Variants in CELF2 observed in about 807,000 individuals in gnomAD.
CELF2 encodes the protein CUG triplet repeat RNA-binding protein 2.
A neutral mutation model predicts 62.6 loss-of-function variants in CELF2; 8 were observed. That is an observed-to-expected ratio of 0.13 (90% CI 0.07 to 0.23). CELF2 has a LOEUF of 0.23. CELF2 is among the 10% of genes least tolerant of loss of function. The pLI, the probability that CELF2 is intolerant of heterozygous loss-of-function variation, is 1.00. For missense variants in CELF2, 333 were observed against 671.0 expected, an observed-to-expected ratio of 0.50 and a Z score of 5.56; for synonymous variants, 258 against 250.0, an observed-to-expected ratio of 1.03 and a Z score of -0.30.
At chr10:11,029,699 G>A (rs558643896) in intron 1 of CELF2, among the ~76,000 whole-genome samples, 1 of 152,358 alleles carries the variant, frequency 6.6e-6, no homozygotes, top group East Asian at 1.9e-4. Context: ...GGAAAACTAG[G>A]TCTGTGGCTG....
chr10:10,750,202 A>AACCTGG, the CELF2 span, among the ~76,000 whole-genome samples: 1 of 152,122 alleles, frequency 6.6e-6, no homozygotes, highest in Non-Finnish European at 1.5e-5. Context: ...GAATTGCTTG[A>AACCTGG]ACCTGGGAGG....
chr10:10,892,790 A>C (rs955460315), intron 1 of CELF2, among the ~76,000 whole-genome samples: 3 of 152,188 alleles, frequency 2.0e-5, no homozygotes, highest in Non-Finnish European at 4.4e-5. Flanking sequence ...TCTACCATGG[A>C]GGAAGGCATT....
chr10:11,229,860 GA>G (rs1253521910), intron 3 of CELF2, among the ~76,000 whole-genome samples: 1 of 152,194 alleles, frequency 6.6e-6, no homozygotes, highest in Non-Finnish European at 1.5e-5. Flanking sequence ...AAAGAGCTGG[GA>G]TTACAGGCCT....
rs545611486 is a variant in CELF2 at position 11,244,514 on chromosome 10, G to C, written c.355-4639G>C. On this transcript the variant is annotated intron_variant, in intron 3 of 12. Transcript: ENST00000633077. The surrounding 1 kb of genome is among the most constrained non-coding windows in gnomAD (Gnocchi z 4.2). The stretch of plus-strand genomic sequence containing the variant: ...TAAAAATACAAAGAAAATTAGTTGG[G>C]CGTGGTGGCGGGCGCCTGTAGTCCC... Among the ~76,000 whole-genome samples, 79 of 152,148 alleles carry C rather than the reference G, an allele frequency of 5.2e-4. No individual in the cohort carries two copies. Among genetic ancestry groups the C allele is most frequent in the African/African-American group, 1.9e-3 (77 of 41,524 alleles).
At chr10:10,960,660 T>C (rs891807241) in intron 2 of CELF2, among the ~76,000 whole-genome samples, 1 of 152,244 alleles carries the variant, frequency 6.6e-6, no homozygotes, top group Non-Finnish European at 1.5e-5. Flanking sequence ...AATAACACTC[T>C]ATTAAACAGA....
At chr10:10,623,929 T>C in the CELF2 span, among the ~76,000 whole-genome samples, 1 of 152,178 alleles carries the variant, frequency 6.6e-6, no homozygotes, top group East Asian at 1.9e-4. Flanking sequence ...ACCCAGGTAG[T>C]CTGACTGCAG....
Position 10,993,420 on chromosome 10 carries a change from G to T in CELF2, c.89+73421G>T, listed in dbSNP as rs2053634141. Among the ~76,000 whole-genome samples the T allele has an allele frequency of 6.6e-6, 1 of 152,128 alleles. No individual in the cohort carries two copies. Among genetic ancestry groups the T allele is most frequent in the Non-Finnish European group, 1.5e-5 (1 of 68,012 alleles). ...ATTTGAACTGCAACTGTAAGGATGA[G>T]CAGGAGTTAACTGGGAAGGGGAAAT... On this transcript the variant is annotated intron_variant, in intron 2 of 13. Coordinates refer to the CELF2 transcript ENST00000636488. This position sits in a 1 kb window ranked among gnomAD's most constrained non-coding sequence, Gnocchi z 5.3.
At chr10:10,701,690 C>T in the CELF2 span, among the ~76,000 whole-genome samples, 1 of 152,182 alleles carries the variant, frequency 6.6e-6, no homozygotes, top group African/African-American at 2.4e-5. Context: ...AGGATGGAAG[C>T]AGAGACCAGT....
At chr10:11,240,899 G>C (rs1005254550) in intron 3 of CELF2, among the ~76,000 whole-genome samples, 10 of 152,140 alleles carry the variant, frequency 6.6e-5, no homozygotes, top group African/African-American at 2.4e-4. Context: ...CAGGCGGCGT[G>C]GGGTAGAGGC....
At chr10:10,547,698 T>A in the CELF2 span, among the ~76,000 whole-genome samples, 14,482 of 106,378 alleles carry the variant, frequency 0.14, 725 homozygotes, top group East Asian at 0.24. Context: ...AGAGAGTGTG[T>A]GTGTGTGTGT....
At chr10:11,087,690 C>A (rs987409314) in intron 1 of CELF2, among the ~76,000 whole-genome samples, 2 of 152,194 alleles carry the variant, frequency 1.3e-5, no homozygotes, top group African/African-American at 4.8e-5. Flanking sequence ...ACAACACATA[C>A]CCACAGAAAC....
intron 9 of CELF2, among the ~76,000 whole-genome samples, chr10:11,292,552 A>G (rs1195198271): frequency 6.6e-6 from 1 of 152,232 alleles, no homozygotes; most frequent in Non-Finnish European, 1.5e-5. Context: ...CTTCTAGTTC[A>G]TGCAGGGCAA....
At chr10:10,644,949 C>T in the CELF2 span, among the ~76,000 whole-genome samples, 1 of 152,120 alleles carries the variant, frequency 6.6e-6, no homozygotes, top group South Asian at 2.1e-4. Context: ...GACAACTGTA[C>T]GTCAAGGCAC....
the CELF2 span, among the ~76,000 whole-genome samples, chr10:10,694,273 A>C: frequency 1.3e-5 from 2 of 151,998 alleles, no homozygotes; most frequent in African/African-American, 4.8e-5. Context: ...TTGTGTACCC[A>C]GTAGTCATTC....
At chr10:11,256,444 A>C (rs951473353) in intron 4 of CELF2, among the ~76,000 whole-genome samples, 1 of 152,210 alleles carries the variant, frequency 6.6e-6, no homozygotes, top group African/African-American at 2.4e-5. Flanking sequence ...AACAGAAATA[A>C]AAGCCAATTA....
At chr10:10,706,449 G>A in the CELF2 span, among the ~76,000 whole-genome samples, 8 of 152,130 alleles carry the variant, frequency 5.3e-5, no homozygotes, top group African/African-American at 9.7e-5. Context: ...GCCCAGAACC[G>A]TCAGCATCCT....
the CELF2 span, among the ~76,000 whole-genome samples, chr10:10,679,017 T>C: frequency 6.6e-6 from 1 of 152,164 alleles, no homozygotes; most frequent in Non-Finnish European, 1.5e-5. Flanking sequence ...AGGGGAATTG[T>C]GATTATGGTC....
chr10:10,520,210 T>C, the CELF2 span, among the ~76,000 whole-genome samples: 1 of 152,194 alleles, frequency 6.6e-6, no homozygotes, highest in South Asian at 2.1e-4. Context: ...CTGAAATTTC[T>C]ATAAATTTTT....
Position 11,117,741 on chromosome 10 carries a change from G to A in CELF2, c.75-47745G>A, listed in dbSNP as rs899352867. Among the ~76,000 whole-genome samples the A allele has an allele frequency of 2.0e-5, 3 of 152,176 alleles. No homozygotes were observed. Among genetic ancestry groups the A allele is most frequent in the Non-Finnish European group, 4.4e-5 (3 of 68,022 alleles). On this transcript the variant is annotated intron_variant, in intron 1 of 12. Coordinates refer to ENST00000633077, the MANE Select transcript of CELF2 (RefSeq NM_001326342.2). This position sits in a 1 kb window ranked among gnomAD's most constrained non-coding sequence, Gnocchi z 4.1. ...GTGACTCTCCAGAGAGGGTACCCTT[G>A]AGTGGCTCTTCCACTGACCCCGGAA...
Sources: gnomAD v4.1 joint callset for allele counts (sites outside exome capture counted in the v4.1 genomes callset) on GRCh38, gnomAD v4.1.1 for gene constraint, Gnocchi (gnomAD v3.1) non-coding constraint, MANE v1.5 for transcripts, NCBI Gene and HGNC (gene_info 2026-07-23, HGNC 2026-07-21) for gene names.